Variants in MYPOP observed in about 807,000 individuals in gnomAD.
MYPOP encodes myb-related transcription factor, partner of profilin.
In MYPOP, 21 loss-of-function variants were observed where a neutral mutation model predicts 25.7. The observed-to-expected ratio is 0.82, with a 90% CI of 0.58 to 1.18. The LOEUF (loss-of-function observed/expected upper bound fraction) is 1.18, where lower values mean the gene tolerates loss of function less well. Ranked by LOEUF, MYPOP falls within the 50% of genes most tolerant of loss-of-function variation. The probability of loss-of-function intolerance (pLI) is 0.00; values close to 1 mark genes in which losing one functional copy is unlikely to be tolerated. For synonymous variants in MYPOP, 280 were observed against 247.9 expected, an observed-to-expected ratio of 1.13 and a Z score of -1.22; for missense variants, 566 against 588.3, an observed-to-expected ratio of 0.96 and a Z score of 0.39.
rs1266317597 is a variant in MYPOP at position 45,891,125 on chromosome 19, A to C, written c.698T>G (p.Leu233Arg). 9.1e-6 allele frequency: 5 copies of C among 549,432 alleles called. No individual in the cohort carries two copies. Among genetic ancestry groups the C allele is most frequent in the Admixed American group, 7.6e-5 (1 of 13,208 alleles). 34.0% of individuals were successfully genotyped at this position (549,432 alleles called of 1,614,324 possible). A position where few individuals can be genotyped will look rare whatever the true frequency, so the allele number is the denominator to read the frequency against. The change falls in exon 3 of 3, where the codon CTG (leucine) becomes CGG (arginine). Residue 233 changes from leucine to arginine, a missense_variant. Transcript: ENST00000322217. Reference sequence around the variant, plus strand: ...AGGGGGTGAGGGTGCCACTTGGGCCAGTGGCGGTGGGGGTGGCAGTGGAGG... The same window carrying C: ...AGGGGGTGAGGGTGCCACTTGGGCCCGTGGCGGTGGGGGTGGCAGTGGAGG... ...PAPPLPPPPP[L>R]AQVAPSPPSP...
intron 2 of MYPOP, among the ~76,000 whole-genome samples, chr19:45,891,816 G>C (rs972966337): frequency 6.6e-6 from 1 of 152,158 alleles, no homozygotes; most frequent in African/African-American, 2.4e-5. Flanking sequence ...TTTGTACCCG[G>C]AGGAGAAAAA....
rs764720218 is a variant in MYPOP, at chr19:45,901,312, G to A, written c.462C>T (p.Tyr154=). Residue 154 remains tyrosine, a synonymous_variant, in exon 2 of 3, where the codon TAC becomes TAT. Coordinates refer to ENST00000322217, the MANE Select transcript of MYPOP (RefSeq NM_001012643.4). The surrounding 1 kb of genome is among the most constrained non-coding windows in gnomAD (Gnocchi z 5.7). ...PPPPSACPQR[Y]VLSEDRREDR... ...CCTCCCGGCGGTCTTCCGACAACACGTAGCGCTGAGGGCAGGCGCTTGGGG... is the reference window on the plus strand; with the variant it reads ...CCTCCCGGCGGTCTTCCGACAACACATAGCGCTGAGGGCAGGCGCTTGGGG... 505 of 1,458,936 alleles carry A rather than the reference G, an allele frequency of 3.5e-4. 1 individual carries two copies. Among genetic ancestry groups the A allele is most frequent in the Non-Finnish European group, 4.4e-4 (484 of 1,107,080 alleles). 90.4% of individuals were successfully genotyped at this position (1,458,936 alleles called of 1,614,324 possible).
In MYPOP at chr19:45,890,861, C is replaced by T; in HGVS notation, c.962G>A (p.Arg321Lys). ...PPPPPPPPPP[R>K]PVLPPPAPKV... ...GGGGGCCGGTGGGGGCAGGACAGGCCTGGGAGGTGGCGGTGGGGGTGGGGG... is the reference window on the plus strand; with the variant it reads ...GGGGGCCGGTGGGGGCAGGACAGGCTTGGGAGGTGGCGGTGGGGGTGGGGG... The change falls in exon 3 of 3, where the codon AGG becomes AAG. Residue 321 changes from arginine (R) to lysine (K), a missense_variant. Transcript: ENST00000322217. 14 of 740,274 alleles carry T rather than the reference C, an allele frequency of 1.9e-5. No individual in the cohort carries two copies. The highest frequency in any genetic ancestry group is 2.2e-5 in the Non-Finnish European group (14 of 639,474). The allele number at this position is 740,274 out of a possible 1,614,324, so 45.9% of individuals were successfully genotyped here. A position where few individuals can be genotyped will look rare whatever the true frequency, so the allele number is the denominator to read the frequency against.
At position 45,901,513 on chromosome 19, in the gene MYPOP, G is replaced by A. The variant is rs1219777401; in HGVS notation, c.261C>T (p.Thr87=). The A allele has an allele frequency of 1.2e-6, 2 of 1,611,406 alleles. No homozygotes were observed. The highest frequency in any genetic ancestry group is 2.2e-5 in the East Asian group (1 of 44,800). ...GCGGCACGCGAGCGAGCTTCTCCTT[G>A]GTGCGGCGCTTGAAGTCGTTCCAGC... The part of the protein sequence containing the change: ...QKRWNDFKRR[T]KEKLARVPHS... The change falls in exon 2 of 3, where the codon ACC becomes ACT. Residue 87 remains threonine (T), a synonymous_variant. Coordinates refer to ENST00000322217, the MANE Select transcript of MYPOP (RefSeq NM_001012643.4). The surrounding 1 kb of genome is among the most constrained non-coding windows in gnomAD (Gnocchi z 5.7).
At chr19:45,894,907 CG>C (rs1967181050) in intron 2 of MYPOP, among the ~76,000 whole-genome samples, 1 of 151,584 alleles carries the variant, frequency 6.6e-6, no homozygotes, top group South Asian at 2.1e-4. Flanking sequence ...TTAGTAGAGA[CG>C]GGGTTTCACC....
chr19:45,900,601 A>T (rs1398746873), intron 2 of MYPOP, among the ~76,000 whole-genome samples: 2 of 151,846 alleles, frequency 1.3e-5, no homozygotes, highest in Admixed American at 1.3e-4. Context: ...CTCATCGAGC[A>T]TGGGGCAGGT....
At position 45,901,683 on chromosome 19, in the gene MYPOP, C is replaced by T; in HGVS notation, c.91G>A (p.Glu31Lys). The stretch of plus-strand genomic sequence containing the variant: ...AGCTGCGGGTAGTGGGCGCGCACCT[C>T]GCGGATCAGGATCTGGTTCTCTTCG... ...SFEENQILIR[E>K]VRAHYPQLYG... is the part of the protein sequence containing the mutation. Residue 31 changes from glutamate (E) to lysine (K), a missense_variant, in exon 2 of 3, where the codon GAG (glutamate) becomes AAG (lysine). Coordinates refer to ENST00000322217, the MANE Select transcript of MYPOP (RefSeq NM_001012643.4). The surrounding 1 kb of genome is among the most constrained non-coding windows in gnomAD (Gnocchi z 5.7). 1 of 1,608,310 alleles carries T rather than the reference C, an allele frequency of 6.2e-7. No individual in the cohort carries two copies. Among genetic ancestry groups the T allele is most frequent in the Non-Finnish European group, 8.5e-7 (1 of 1,178,576 alleles).
At chr19:45,896,763 C>A (rs1484441380) in intron 2 of MYPOP, among the ~76,000 whole-genome samples, 1 of 151,076 alleles carries the variant, frequency 6.6e-6, no homozygotes, top group African/African-American at 2.4e-5. Context: ...GTAGCTGGGA[C>A]TACAGGCGCC....
At chr19:45,893,352 TG>T (rs1967152555) in intron 2 of MYPOP, among the ~76,000 whole-genome samples, 1 of 151,798 alleles carries the variant, frequency 6.6e-6, no homozygotes, top group South Asian at 2.1e-4. Flanking sequence ...GCAAATCACC[TG>T]ATGTTGGGAG....
rs1484430340 is a variant in MYPOP, at chr19:45,890,654, C to T, written c.1169G>A (p.Arg390Gln). ...PHKRRKGFPT[R>Q]KRRGRWKSP ...AGATTTCCATCGGCCGCGCCTTTTCCGTGTAGGGAAACCTTTTCTCCGCTT... is the reference window on the plus strand; with the variant it reads ...AGATTTCCATCGGCCGCGCCTTTTCTGTGTAGGGAAACCTTTTCTCCGCTT... The change falls in exon 3 of 3, where the codon CGG becomes CAG. Residue 390 changes from arginine (R) to glutamine (Q), a missense_variant. Coordinates refer to ENST00000322217, the MANE Select transcript of MYPOP (RefSeq NM_001012643.4). 7 of 1,582,182 alleles carry T rather than the reference C, an allele frequency of 4.4e-6. No individual in the cohort carries two copies. Among genetic ancestry groups the T allele is most frequent in the East Asian group, 2.3e-5 (1 of 42,726 alleles).
In MYPOP at chr19:45,890,987, G is replaced by C; in HGVS notation, c.836C>G (p.Thr279Ser). 1.3e-6 allele frequency: 2 copies of C among 1,517,918 alleles called. No individual in the cohort carries two copies. The highest frequency in any genetic ancestry group is 1.8e-6 in the Non-Finnish European group (2 of 1,129,020). 94.0% of individuals were successfully genotyped at this position (1,517,918 alleles called of 1,614,324 possible). A position where few individuals can be genotyped will look rare whatever the true frequency, so the allele number is the denominator to read the frequency against. The change falls in exon 3 of 3, where the codon ACC becomes AGC. Residue 279 changes from threonine to serine, a missense_variant. By Grantham distance (58) the Thr-to-Ser change is moderately conservative. Transcript: ENST00000322217. ...TANAIRELAG[T>S]LRQGLAKLSE... ...CAGTTTGGCCAGTCCCTGTCGAAGG[G>C]TGCCGGCCAGCTCCCGGATGGCGTT... is the stretch of plus-strand genomic sequence containing the variant.
Position 45,890,370 on chromosome 19 carries a change from T to G in MYPOP, c.*253A>C. ...CCACATAGGGCAATAATAAATAACA[T>G]GAAATTGATGGCTTAGAAGTCAGGG... On this transcript the variant is annotated 3_prime_UTR_variant, in exon 3 of 3. Coordinates refer to ENST00000322217, the MANE Select transcript of MYPOP (RefSeq NM_001012643.4). The G allele has an allele frequency of 6.9e-6, 3 of 436,790 alleles. No individual in the cohort carries two copies. The highest frequency in any genetic ancestry group is 6.2e-4 in the Middle Eastern group (1 of 1,624). The allele number at this position is 436,790 out of a possible 1,614,324, so 27.1% of individuals were successfully genotyped here.
chr19:45,894,306 G>T (rs1312911961), intron 2 of MYPOP, among the ~76,000 whole-genome samples: 1 of 151,420 alleles, frequency 6.6e-6, no homozygotes. Flanking sequence ...GTAGAGACGG[G>T]GTTTCACCAT....
At position 45,890,462 on chromosome 19, in the gene MYPOP, GC is replaced by G. The variant is rs370431507; in HGVS notation, c.*160del. Reference sequence around the variant, plus strand: ...GGGGTTGGGGGGGCCCATTACTGAGGCCCCCCCCAGAGAATCAGGCACTAAC... The same window carrying G: ...GGGGTTGGGGGGGCCCATTACTGAGGCCCCCCCAGAGAATCAGGCACTAAC... On this transcript the variant is annotated 3_prime_UTR_variant, in exon 3 of 3. Coordinates refer to ENST00000322217, the MANE Select transcript of MYPOP (RefSeq NM_001012643.4). 54 of 1,205,834 alleles carry G rather than the reference GC, an allele frequency of 4.5e-5. No homozygotes were observed. Among genetic ancestry groups the G allele is most frequent in the Admixed American group, 9.5e-5 (3 of 31,430 alleles). 74.7% of individuals were successfully genotyped at this position (1,205,834 alleles called of 1,614,324 possible).
In MYPOP at chr19:45,890,675, C is replaced by A; in HGVS notation, c.1148G>T (p.Arg383Leu). The A allele has an allele frequency of 6.4e-7, 1 of 1,570,878 alleles. No homozygotes were observed. The highest frequency in any genetic ancestry group is 8.6e-7 in the Non-Finnish European group (1 of 1,157,112). ...TTTCCGTGTAGGGAAACCTTTTCTC[C>A]GCTTGTGTGGGGGGGAGTCGTGCGG... ...LPPHDSPPHK[R>L]RKGFPTRKRR... The change falls in exon 3 of 3, where the codon CGG becomes CTG. Residue 383 changes from arginine to leucine, a missense_variant. Physicochemically the swap from Arg to Leu is moderately radical, Grantham distance 102. Coordinates refer to ENST00000322217, the MANE Select transcript of MYPOP (RefSeq NM_001012643.4).
intron 2 of MYPOP, among the ~76,000 whole-genome samples, chr19:45,894,152 G>A (rs996317562): frequency 2.0e-5 from 3 of 150,870 alleles, no homozygotes; most frequent in Non-Finnish European, 4.4e-5. Context: ...TCGCTCTGTC[G>A]CCCAGGCTGG....
rs1019183288 is a variant in MYPOP at position 45,891,410 on chromosome 19, C to G, written c.500-87G>C. 1.0e-5 allele frequency: 14 copies of G among 1,380,648 alleles called. No individual in the cohort carries two copies. In the African/African-American group the frequency reaches 1.0e-4, roughly 10 times the overall value. The allele number at this position is 1,380,648 out of a possible 1,614,324, so 85.5% of individuals were successfully genotyped here. On this transcript the variant is annotated intron_variant, in intron 2 of 2. Transcript: ENST00000322217. ...TTCCCACTCCTTCCCTCACCTCCCC[C>G]CTACCCGAACCCAGAACTATCCTTC... is the stretch of plus-strand genomic sequence containing the variant.
In MYPOP at chr19:45,901,317, G is replaced by T. The variant is rs766988551; in HGVS notation, c.457C>A (p.Arg153Ser). 4 of 1,461,578 alleles carry T rather than the reference G, an allele frequency of 2.7e-6. No individual in the cohort carries two copies. The highest frequency in any genetic ancestry group is 5.6e-5 in the Admixed American group (2 of 35,506). 90.5% of individuals were successfully genotyped at this position (1,461,578 alleles called of 1,614,324 possible). ...QPPPPSACPQ[R>S]YVLSEDRRED... ...CGGCGGTCTTCCGACAACACGTAGCGCTGAGGGCAGGCGCTTGGGGGCGGC... is the reference window on the plus strand; with the variant it reads ...CGGCGGTCTTCCGACAACACGTAGCTCTGAGGGCAGGCGCTTGGGGGCGGC... Residue 153 changes from arginine to serine, a missense_variant, in exon 2 of 3, where the codon CGC (arginine) becomes AGC (serine). By Grantham distance (110) the Arg-to-Ser change is moderately radical. Transcript: ENST00000322217. This position sits in a 1 kb window ranked among gnomAD's most constrained non-coding sequence, Gnocchi z 5.7.
chr19:45,898,238 CT>C, intron 2 of MYPOP, among the ~76,000 whole-genome samples: 1 of 152,104 alleles, frequency 6.6e-6, no homozygotes. Flanking sequence ...AGTTTCCCTA[CT>C]TGTAAATGAG....
Sources: allele counts gnomAD v4.1 joint callset (sites outside exome capture counted in the v4.1 genomes callset), GRCh38; gene constraint gnomAD v4.1.1; non-coding constraint Gnocchi (gnomAD v3.1); transcripts MANE v1.5; gene names NCBI Gene and HGNC (gene_info 2026-07-23, HGNC 2026-07-21).